RPRD2: variants seen among roughly 807,000 people sequenced by gnomAD.
The protein encoded by RPRD2 is regulation of nuclear pre-mRNA domain-containing protein 2.
A neutral mutation model predicts 104.4 loss-of-function variants in RPRD2; 12 were observed. The observed-to-expected ratio is 0.11, with a 90% CI of 0.07 to 0.19. RPRD2 has a LOEUF of 0.19. Ranked by LOEUF, RPRD2 falls within the 10% of genes least tolerant of loss-of-function variation. RPRD2 has a pLI of 1.00. For missense variants in RPRD2, 1,543 were observed against 1,790.1 expected, an observed-to-expected ratio of 0.86 and a Z score of 2.49; for synonymous variants, 714 against 684.9, an observed-to-expected ratio of 1.04 and a Z score of -0.66.
At chr1:150,374,699 A>G (rs371396670) in intron 1 of RPRD2, among the ~76,000 whole-genome samples, 9 of 152,262 alleles carry the variant, frequency 5.9e-5, no homozygotes, top group African/African-American at 2.2e-4. Flanking sequence ...GTCTTTGTTG[A>G]TTGTTGAATG....
chr1:150,390,517 A>T (rs1661985873), intron 1 of RPRD2, among the ~76,000 whole-genome samples: 1 of 150,942 alleles, frequency 6.6e-6, no homozygotes. Flanking sequence ...ATAAATAAAT[A>T]AATAAAAAGA....
intron 1 of RPRD2, among the ~76,000 whole-genome samples, chr1:150,392,366 G>C (rs1232745918): frequency 1.3e-5 from 2 of 152,048 alleles, no homozygotes; most frequent in East Asian, 1.9e-4. Context: ...TTAGCTGGGC[G>C]TGGTGGCACA....
intron 4 of RPRD2, among the ~76,000 whole-genome samples, chr1:150,442,213 A>C (rs1666455588): frequency 6.6e-6 from 1 of 152,080 alleles, no homozygotes; most frequent in Non-Finnish European, 1.5e-5. Flanking sequence ...ATTCAAGAGT[A>C]GTTGGGGGAT....
intron 1 of RPRD2, among the ~76,000 whole-genome samples, chr1:150,400,519 G>A (rs587742884): frequency 7.9e-5 from 12 of 152,148 alleles, no homozygotes; most frequent in Admixed American, 4.6e-4. Flanking sequence ...CCTGGCATGC[G>A]CAGTTAACAA....
At chr1:150,437,051 A>G (rs587602198) in intron 2 of RPRD2, among the ~76,000 whole-genome samples, 12 of 148,368 alleles carry the variant, frequency 8.1e-5, no homozygotes, top group African/African-American at 2.6e-4. Flanking sequence ...ATTATTAAAA[A>G]AAGAAAGAAA....
intron 7 of RPRD2, among the ~76,000 whole-genome samples, chr1:150,448,626 T>G (rs1436573058): frequency 6.6e-6 from 1 of 152,258 alleles, no homozygotes; most frequent in Non-Finnish European, 1.5e-5. Flanking sequence ...GGTTTTGTGG[T>G]AACTATAGTT....
rs1434701744 is a variant in RPRD2 at position 150,475,169 on chromosome 1, G to T, written c.*1835G>T. On this transcript the variant is annotated 3_prime_UTR_variant, in exon 11 of 11. Coordinates refer to ENST00000369068, the MANE Select transcript of RPRD2 (RefSeq NM_015203.5). Reference sequence around the variant, plus strand: ...ACCATGACCTTACGTGTGGGATGGGGTATGTAGTGTAGCAAAGAAAAGAAA... The same window carrying T: ...ACCATGACCTTACGTGTGGGATGGGTTATGTAGTGTAGCAAAGAAAAGAAA... 6.6e-6 allele frequency: 1 copy of T among 152,196 alleles called. No homozygotes were observed. The highest frequency in any genetic ancestry group is 2.1e-4 in the South Asian group (1 of 4,820). 9.4% of individuals were successfully genotyped at this position (152,196 alleles called of 1,614,324 possible).
At chr1:150,429,195 C>A (rs587766602) in intron 2 of RPRD2, among the ~76,000 whole-genome samples, 1 of 151,412 alleles carries the variant, frequency 6.6e-6, no homozygotes, top group Non-Finnish European at 1.5e-5. Context: ...CGGGTTCAAG[C>A]GATTCTCCTG....
chr1:150,373,650 T>G (rs1347747322), intron 1 of RPRD2, among the ~76,000 whole-genome samples: 3 of 148,522 alleles, frequency 2.0e-5, no homozygotes, highest in Admixed American at 6.8e-5. Context: ...AAATTTAGTT[T>G]TGGATGTGTT....
At chr1:150,403,412 A>G (rs1663213499) in intron 1 of RPRD2, among the ~76,000 whole-genome samples, 1 of 152,116 alleles carries the variant, frequency 6.6e-6, no homozygotes, top group Admixed American at 6.6e-5. Context: ...TATACCCATT[A>G]AACAATAACT....
At chr1:150,385,244 A>G (rs1395992273) in intron 1 of RPRD2, among the ~76,000 whole-genome samples, 4 of 152,020 alleles carry the variant, frequency 2.6e-5, no homozygotes, top group African/African-American at 9.7e-5. Context: ...GGAGGATTGC[A>G]TGAGCCTGGG....
intron 1 of RPRD2, among the ~76,000 whole-genome samples, chr1:150,398,571 T>C (rs1273558447): frequency 1.3e-5 from 2 of 151,274 alleles, no homozygotes. Flanking sequence ...TCTGACAGAG[T>C]CTCACTCTGT....
In RPRD2 at chr1:150,464,598, ACACCTG is replaced by A; in HGVS notation, c.1491_1496del (p.Pro498_Ala499del). 1 of 1,608,846 alleles carries A rather than the reference ACACCTG, an allele frequency of 6.2e-7. No individual in the cohort carries two copies. The highest frequency in any genetic ancestry group is 1.1e-5 in the South Asian group (1 of 90,180). ...CAGCAACCTCACCAGTGGCCTGAAA[ACACCTG>A]CACCTGCCACGACAACATCTCACAA... On this transcript the variant is annotated inframe_deletion, in exon 10 of 11. Coordinates refer to ENST00000369068, the MANE Select transcript of RPRD2 (RefSeq NM_015203.5).
chr1:150,390,830 C>T (rs587769308), intron 1 of RPRD2, among the ~76,000 whole-genome samples: 14 of 152,036 alleles, frequency 9.2e-5, no homozygotes, highest in South Asian at 2.1e-4. Context: ...GAATTAAGAA[C>T]AGGCAATATT....
rs587763133 is a variant in RPRD2, at chr1:150,466,114, C to T, written c.1612+1387C>T. Among the ~76,000 whole-genome samples, 3 of 151,546 alleles carry T rather than the reference C, an allele frequency of 2.0e-5. No homozygotes were observed. The East Asian group carries it at 5.8e-4, about 29-fold the overall frequency. On this transcript the variant is annotated intron_variant, in intron 10 of 10. Coordinates refer to ENST00000369068, the MANE Select transcript of RPRD2 (RefSeq NM_015203.5). ...AAAATTAGCGCCGGGCGCGGTGGCT[C>T]ACGCCTGTAATCCCAGCACTTTGGG...
intron 2 of RPRD2, among the ~76,000 whole-genome samples, chr1:150,418,054 G>A (rs587646737): frequency 4.6e-5 from 7 of 151,806 alleles, no homozygotes; most frequent in African/African-American, 1.4e-4. Flanking sequence ...TGCAGCCTCC[G>A]CCTCCCGGGT....
At chr1:150,417,056 C>T (rs2102275100) in intron 1 of RPRD2, among the ~76,000 whole-genome samples, 1 of 152,142 alleles carries the variant, frequency 6.6e-6, no homozygotes, top group East Asian at 1.9e-4. Flanking sequence ...GGGAGAGGGT[C>T]TATCTGTAAT....
chr1:150,459,619 G>A (rs1348936545), intron 8 of RPRD2, among the ~76,000 whole-genome samples: 2 of 148,510 alleles, frequency 1.3e-5, no homozygotes, highest in Non-Finnish European at 3.0e-5. Flanking sequence ...TGAGACGGGA[G>A]TCTCGCTTTG....
At chr1:150,447,037 T>C (rs587606680) in intron 7 of RPRD2, among the ~76,000 whole-genome samples, 1 of 152,152 alleles carries the variant, frequency 6.6e-6, no homozygotes, top group East Asian at 1.9e-4. Flanking sequence ...GGTTTCTCCA[T>C]GTTGGTCAGG....
Sources: allele counts gnomAD v4.1 joint callset (sites outside exome capture counted in the v4.1 genomes callset), GRCh38; gene constraint gnomAD v4.1.1; transcripts MANE v1.5; gene names NCBI Gene and HGNC (gene_info 2026-07-23, HGNC 2026-07-21).